The following TNIK variants were observed in gnomAD, a reference collection of about 807,000 sequenced individuals.
TNIK encodes the protein TRAF2 and NCK-interacting protein kinase.
A neutral mutation model predicts 191.3 loss-of-function variants in TNIK; 49 were observed. That is an observed-to-expected ratio of 0.26 (90% CI 0.20 to 0.32). The LOEUF (loss-of-function observed/expected upper bound fraction) is 0.32. TNIK is among the 10% of genes least tolerant of loss of function. TNIK has a pLI of 1.00. For missense variants in TNIK, 1,155 were observed against 1,702.3 expected, an observed-to-expected ratio of 0.68 and a Z score of 5.66; for synonymous variants, 594 against 600.9, an observed-to-expected ratio of 0.99 and a Z score of 0.17.
chr3:171,262,690 T>A (rs1373806106), intron 2 of TNIK, among the ~76,000 whole-genome samples: 1 of 152,254 alleles, frequency 6.6e-6, no homozygotes, highest in Non-Finnish European at 1.5e-5. Context: ...AGTTCGTTTT[T>A]TACTAAGCAG....
intron 7 of TNIK, among the ~76,000 whole-genome samples, chr3:171,180,439 T>C (rs1264382005): frequency 2.0e-5 from 3 of 152,176 alleles, no homozygotes; most frequent in African/African-American, 7.2e-5. Context: ...GCTTGTGCCC[T>C]TTACCTCTAA....
At chr3:171,085,557 C>A (rs943466500) in intron 24 of TNIK, among the ~76,000 whole-genome samples, 1 of 152,194 alleles carries the variant, frequency 6.6e-6, no homozygotes, top group African/African-American at 2.4e-5. Context: ...GTAAAAGCAA[C>A]CTCCTATATT....
chr3:171,119,966 G>T (rs1727405484), intron 18 of TNIK, among the ~76,000 whole-genome samples: 1 of 152,128 alleles, frequency 6.6e-6, no homozygotes, highest in African/African-American at 2.4e-5. Context: ...GTTCTCCATA[G>T]GGCTCTTTTG....
At chr3:171,245,671 A>G (rs534877955) in intron 2 of TNIK, among the ~76,000 whole-genome samples, 121 of 152,118 alleles carry the variant, frequency 8.0e-4, no homozygotes, top group Non-Finnish European at 1.5e-3. Context: ...TCTGTGTACT[A>G]ATTTTTACAG....
chr3:171,396,998 T>A (rs1444025166), intron 1 of TNIK, among the ~76,000 whole-genome samples: 2 of 152,194 alleles, frequency 1.3e-5, no homozygotes, highest in African/African-American at 4.8e-5. Flanking sequence ...TTATAAAAAT[T>A]AAATCTACTT....
chr3:171,100,607 A>G (rs899592141), intron 22 of TNIK, among the ~76,000 whole-genome samples: 1 of 152,032 alleles, frequency 6.6e-6, no homozygotes, highest in African/African-American at 2.4e-5. Context: ...TCATTCTATC[A>G]AAGTTGTAGG....
chr3:171,175,803 T>C (rs753058160), intron 8 of TNIK, among the ~76,000 whole-genome samples: 10 of 152,234 alleles, frequency 6.6e-5, no homozygotes, highest in Non-Finnish European at 1.5e-4. Context: ...ACACAGATTT[T>C]TGGAGTCCAA....
chr3:171,229,265 G>C lies in TNIK; in HGVS notation c.124-1044C>G, dbSNP rs1743323358. Among the ~76,000 whole-genome samples, 3 of 152,190 alleles carry C rather than the reference G, an allele frequency of 2.0e-5. 1 individual carries two copies. In the South Asian group the frequency reaches 6.2e-4, roughly 32 times the overall value. ...TAATTATGTATGGTCCTGTCTTCTG[G>C]TGAATTTTAAATGTTGTCTTCCCTA... On this transcript the variant is annotated intron_variant, in intron 2 of 32. Transcript: ENST00000436636.
intron 4 of TNIK, among the ~76,000 whole-genome samples, chr3:171,199,379 A>T (rs1480593151): frequency 6.6e-6 from 1 of 152,182 alleles, no homozygotes; most frequent in Admixed American, 6.5e-5. Context: ...GTGATAAGTC[A>T]ATAACTTCAC....
At chr3:171,077,071 T>TTCCC (rs376107233) in intron 28 of TNIK, among the ~76,000 whole-genome samples, 13 of 142,978 alleles carry the variant, frequency 9.1e-5, no homozygotes, top group African/African-American at 3.4e-4. Flanking sequence ...CCTTTCTTGT[T>TTCCC]CCCCCCCCCC....
chr3:171,390,244 C>T (rs936876459), intron 1 of TNIK, among the ~76,000 whole-genome samples: 1 of 152,092 alleles, frequency 6.6e-6, no homozygotes, highest in African/African-American at 2.4e-5. Flanking sequence ...GGAAGAGATC[C>T]CGGGTAATTA....
At chr3:171,158,021 A>C (rs569454155) in intron 11 of TNIK, among the ~76,000 whole-genome samples, 3 of 152,200 alleles carry the variant, frequency 2.0e-5, no homozygotes. Flanking sequence ...CATGAGCCCC[A>C]GACTGGATTA....
Position 171,107,172 on chromosome 3 carries a change from GT to G in TNIK, c.2406+10del, listed in dbSNP as rs1297963406. The G allele has an allele frequency of 1.2e-6, 2 of 1,610,358 alleles. No individual in the cohort carries two copies. The highest frequency in any genetic ancestry group is 3.4e-5 in the Admixed American group (2 of 59,364). On this transcript the variant is annotated intron_variant, in intron 21 of 32. Transcript: ENST00000436636. ...TTTGTGAAAGCATGACCAAGAAAAGGTAATACTAACCTCATCTATAGCTTTT... is the reference window on the plus strand; with the variant it reads ...TTTGTGAAAGCATGACCAAGAAAAGGAATACTAACCTCATCTATAGCTTTT...
chr3:171,457,564 A>T (rs976776923), intron 1 of TNIK, among the ~76,000 whole-genome samples: 1 of 152,206 alleles, frequency 6.6e-6, no homozygotes, highest in Admixed American at 6.5e-5. Context: ...CATCTAGATG[A>T]GGCCACCTCT....
At chr3:171,440,166 C>G (rs1429419989) in intron 1 of TNIK, among the ~76,000 whole-genome samples, 1 of 152,214 alleles carries the variant, frequency 6.6e-6, no homozygotes, top group Non-Finnish European at 1.5e-5. Context: ...CTCTTCCTTT[C>G]TCCACATTTC....
intron 1 of TNIK, among the ~76,000 whole-genome samples, chr3:171,429,932 A>C (rs1725152153): frequency 6.6e-6 from 1 of 152,112 alleles, no homozygotes; most frequent in South Asian, 2.1e-4. Context: ...TGATTCTAAA[A>C]ATGTGATCCT....
At chr3:171,197,991 T>C (rs866127570) in intron 4 of TNIK, among the ~76,000 whole-genome samples, 16 of 151,866 alleles carry the variant, frequency 1.1e-4, no homozygotes, top group African/African-American at 3.9e-4. Context: ...CTATTCACAA[T>C]AGACAAAAAG....
chr3:171,200,729 C>G (rs1739298817), intron 4 of TNIK, among the ~76,000 whole-genome samples: 1 of 152,194 alleles, frequency 6.6e-6, no homozygotes, highest in Non-Finnish European at 1.5e-5. Flanking sequence ...CTTCCCTTTC[C>G]TGCCCTAATA....
At chr3:171,322,023 T>C (rs1298193554) in intron 2 of TNIK, among the ~76,000 whole-genome samples, 2 of 152,342 alleles carry the variant, frequency 1.3e-5, no homozygotes, top group African/African-American at 4.8e-5. Flanking sequence ...TCTGGGTATA[T>C]GGGCTGAATC....
Sources: gnomAD v4.1 joint callset for allele counts (sites outside exome capture counted in the v4.1 genomes callset) on GRCh38, gnomAD v4.1.1 for gene constraint, MANE v1.5 for transcripts, NCBI Gene and HGNC (gene_info 2026-07-23, HGNC 2026-07-21) for gene names.